The following PDZRN4 variants were observed in gnomAD, a reference collection of about 807,000 sequenced individuals.
PDZRN4 encodes PDZ domain-containing RING finger protein 4.
In PDZRN4, 70 loss-of-function variants were observed where a neutral mutation model predicts 99.0. The observed-to-expected ratio is 0.71, with a 90% CI of 0.58 to 0.86. The LOEUF (loss-of-function observed/expected upper bound fraction) is 0.86. Among genes scored for constraint, PDZRN4 ranks in the 40% least tolerant of loss-of-function variants. PDZRN4 has a pLI of 0.00. For missense variants in PDZRN4, 1,474 were observed against 1,331.2 expected (o/e 1.11, Z -1.67); for synonymous variants, 551 against 501.6 (o/e 1.10, Z -1.32).
rs193010183 is a variant in PDZRN4, at chr12:41,450,775, G to A, written c.844-55681G>A. Reference sequence around the variant, plus strand: ...TCTCTACTAAAAGTAAAAAATAAAAGAAATTAACCGAGCTTGGTGGTTCAT... The same window carrying A: ...TCTCTACTAAAAGTAAAAAATAAAAAAAATTAACCGAGCTTGGTGGTTCAT... On this transcript the variant is annotated intron_variant, in intron 3 of 9. Transcript: ENST00000402685. Among the ~76,000 whole-genome samples the A allele has an allele frequency of 5.1e-4, 77 of 152,070 alleles. No individual in the cohort carries two copies. In the East Asian group the frequency reaches 0.014, roughly 27 times the overall value.
chr12:41,190,136 C>A (rs746559546), intron 1 of PDZRN4, among the ~76,000 whole-genome samples: 17 of 152,166 alleles, frequency 1.1e-4, no homozygotes, highest in Non-Finnish European at 1.9e-4. Flanking sequence ...CGGGGAGGAG[C>A]AACCCAGAAA....
intron 3 of PDZRN4, among the ~76,000 whole-genome samples, chr12:41,386,636 A>G (rs1171625621): frequency 2.8e-4 from 43 of 152,206 alleles, no homozygotes; most frequent in Admixed American, 2.8e-3. Context: ...TAAAATACAT[A>G]TGGAATCAAA....
intron 3 of PDZRN4, among the ~76,000 whole-genome samples, chr12:41,265,702 A>G: frequency 6.6e-6 from 1 of 152,218 alleles, no homozygotes; most frequent in East Asian, 1.9e-4. Context: ...TTTCTTAGCC[A>G]GATGCATGTA....
At chr12:41,462,730 G>A (rs1299549676) in intron 3 of PDZRN4, among the ~76,000 whole-genome samples, 3 of 151,974 alleles carry the variant, frequency 2.0e-5, no homozygotes, top group African/African-American at 7.3e-5. Flanking sequence ...TTGCTATAGA[G>A]AGAATATATT....
At chr12:41,425,732 T>C (rs1026463) in intron 3 of PDZRN4, among the ~76,000 whole-genome samples, 25,303 of 152,198 alleles carry the variant, frequency 0.17, 2,220 homozygotes, top group South Asian at 0.27. Context: ...ATGCAAATAC[T>C]GTGTAGTTGA....
At chr12:41,463,307 C>T (rs1447297997) in intron 3 of PDZRN4, among the ~76,000 whole-genome samples, 3 of 152,128 alleles carry the variant, frequency 2.0e-5, no homozygotes, top group African/African-American at 7.2e-5. Context: ...GGATGCCTAC[C>T]CAGCCCCAAA....
chr12:41,428,719 G>A (rs1447605267), intron 3 of PDZRN4, among the ~76,000 whole-genome samples: 1 of 152,118 alleles, frequency 6.6e-6, no homozygotes, highest in Non-Finnish European at 1.5e-5. Context: ...GCTTACAAAT[G>A]TGTGTGTGTA....
At chr12:41,363,383 A>G (rs1019501248) in intron 3 of PDZRN4, among the ~76,000 whole-genome samples, 3 of 152,118 alleles carry the variant, frequency 2.0e-5, no homozygotes, top group African/African-American at 7.2e-5. Flanking sequence ...TTCCTTAAGA[A>G]AAAATAAGCA....
At chr12:41,421,051 A>C (rs1228636147) in intron 3 of PDZRN4, among the ~76,000 whole-genome samples, 1 of 152,160 alleles carries the variant, frequency 6.6e-6, no homozygotes, top group Non-Finnish European at 1.5e-5. Context: ...ATCACTTGCC[A>C]ATCATTTGGC....
chr12:41,380,014 T>C (rs904620687), intron 3 of PDZRN4, among the ~76,000 whole-genome samples: 14 of 152,094 alleles, frequency 9.2e-5, no homozygotes, highest in African/African-American at 3.4e-4. Flanking sequence ...TTGATATATT[T>C]ACATGTTCCA....
chr12:41,217,972 A>G (rs1950932091), intron 3 of PDZRN4, among the ~76,000 whole-genome samples: 2 of 152,146 alleles, frequency 1.3e-5, no homozygotes, highest in Admixed American at 1.3e-4. Context: ...CTTGGAATGT[A>G]CAAGTCAGAT....
intron 3 of PDZRN4, among the ~76,000 whole-genome samples, chr12:41,384,178 T>G (rs570211931): frequency 6.6e-6 from 1 of 152,126 alleles, no homozygotes; most frequent in Admixed American, 6.5e-5. Flanking sequence ...GGCTGCTAAT[T>G]CATTTATTAA....
chr12:41,438,313 T>A (rs1218619401), intron 3 of PDZRN4, among the ~76,000 whole-genome samples: 1 of 152,212 alleles, frequency 6.6e-6, no homozygotes, highest in Non-Finnish European at 1.5e-5. Flanking sequence ...TTGAGATATC[T>A]CTTTCATTTT....
chr12:41,366,410 T>C (rs6582334), intron 3 of PDZRN4, among the ~76,000 whole-genome samples: 71,968 of 152,034 alleles, frequency 0.47, 17,836 homozygotes, highest in Middle Eastern at 0.65. Context: ...CATCACATTA[T>C]CAGCAGTAAT....
Position 41,573,840 on chromosome 12 carries a change from C to T in PDZRN4, c.3061C>T (p.Pro1021Ser). The change falls in exon 10 of 10, where the codon CCA (proline) becomes TCA (serine). Residue 1021 changes from proline (P) to serine (S), a missense_variant. By Grantham distance (74) the Pro-to-Ser change is moderately conservative. Coordinates refer to ENST00000402685, the MANE Select transcript of PDZRN4 (RefSeq NM_001164595.2). The part of the protein sequence containing the change: ...QELMTHGAKS[P>S]DGTRVHNAFL... ...ACTGATGACCCATGGGGCCAAGTCT[C>T]CAGATGGCACGAGAGTCCATAATGC... 1 of 1,602,312 alleles carries T rather than the reference C, an allele frequency of 6.2e-7. No individual in the cohort carries two copies. The highest frequency in any genetic ancestry group is 8.5e-7 in the Non-Finnish European group (1 of 1,175,152).
At chr12:41,220,974 T>G (rs1950951702) in intron 3 of PDZRN4, among the ~76,000 whole-genome samples, 1 of 152,198 alleles carries the variant, frequency 6.6e-6, no homozygotes, top group Non-Finnish European at 1.5e-5. Context: ...TTTTCATTTT[T>G]CTGTGGACAT....
intron 3 of PDZRN4, among the ~76,000 whole-genome samples, chr12:41,500,143 C>T (rs1192557897): frequency 6.6e-6 from 1 of 151,916 alleles, no homozygotes; most frequent in Non-Finnish European, 1.5e-5. Context: ...GGATCCCACC[C>T]TATTGTTGCT....
chr12:41,365,026 C>T (rs1245691552), intron 3 of PDZRN4, among the ~76,000 whole-genome samples: 1 of 152,096 alleles, frequency 6.6e-6, no homozygotes, highest in Non-Finnish European at 1.5e-5. Context: ...CAGTGACCCA[C>T]ATGCCTAGGA....
At chr12:41,421,127 G>A (rs1471910559) in intron 3 of PDZRN4, among the ~76,000 whole-genome samples, 4 of 151,936 alleles carry the variant, frequency 2.6e-5, no homozygotes, top group Admixed American at 1.3e-4. Context: ...TTTCAATTCC[G>A]TGTTCAAGAC....
Sources: gnomAD v4.1 joint callset for allele counts (sites outside exome capture counted in the v4.1 genomes callset) on GRCh38, gnomAD v4.1.1 for gene constraint, MANE v1.5 for transcripts, NCBI Gene and HGNC (gene_info 2026-07-23, HGNC 2026-07-21) for gene names.